ABCC4: variants seen among roughly 807,000 people sequenced by gnomAD.
ABCC4 encodes ATP binding cassette subfamily C member 4 (PEL blood group), also known as ATP-binding cassette sub-family C member 4.
ABCC4 carries 102 observed loss-of-function variants against 168.5 expected under a neutral mutation model. That is an observed-to-expected ratio of 0.61 (90% CI 0.52 to 0.71). The LOEUF (loss-of-function observed/expected upper bound fraction) is 0.71. Ranked by LOEUF, ABCC4 falls within the 30% of genes least tolerant of loss-of-function variation. ABCC4 has a pLI of 0.00. For missense variants in ABCC4, 1,402 were observed against 1,605.8 expected, an observed-to-expected ratio of 0.87 and a Z score of 2.17; for synonymous variants, 617 against 590.7, an observed-to-expected ratio of 1.04 and a Z score of -0.65.
intron 19 of ABCC4, among the ~76,000 whole-genome samples, chr13:95,119,573 A>G (rs534379359): frequency 1.6e-4 from 24 of 152,328 alleles, no homozygotes; most frequent in African/African-American, 5.8e-4. Flanking sequence ...AAATTCATAA[A>G]TGACTCTATT....
At chr13:95,129,592 T>C (rs1036496619) in intron 19 of ABCC4, among the ~76,000 whole-genome samples, 3 of 151,610 alleles carry the variant, frequency 2.0e-5, no homozygotes, top group African/African-American at 4.9e-5. Flanking sequence ...AAATGTATAA[T>C]ATAACTAAAA....
intron 20 of ABCC4, among the ~76,000 whole-genome samples, chr13:95,093,171 A>T (rs1481980485): frequency 6.6e-6 from 1 of 152,192 alleles, no homozygotes; most frequent in South Asian, 2.1e-4. Flanking sequence ...AGAAAGAAGG[A>T]ACCCTCCCTA....
chr13:95,216,568 TA>T (rs1217045690), intron 4 of ABCC4, among the ~76,000 whole-genome samples: 1 of 143,920 alleles, frequency 6.9e-6, no homozygotes, highest in African/African-American at 2.6e-5. Context: ...GCCTACCAAT[TA>T]TTTTTTAAAA....
At chr13:95,141,843 A>G (rs1287570666) in intron 19 of ABCC4, among the ~76,000 whole-genome samples, 2 of 152,194 alleles carry the variant, frequency 1.3e-5, no homozygotes, top group African/African-American at 4.8e-5. Context: ...TCAAGGGATC[A>G]TCCTGAACCA....
intron 20 of ABCC4, among the ~76,000 whole-genome samples, chr13:95,104,285 T>C (rs1314952342): frequency 6.6e-6 from 1 of 152,180 alleles, no homozygotes; most frequent in Non-Finnish European, 1.5e-5. Context: ...AGCTAATTTT[T>C]GGGTTTTTAG....
chr13:95,134,813 G>A (rs1277484056), intron 19 of ABCC4, among the ~76,000 whole-genome samples: 3 of 152,094 alleles, frequency 2.0e-5, no homozygotes, highest in Admixed American at 1.3e-4. Flanking sequence ...GTGGGAAGAG[G>A]AGTGCAAGAG....
In ABCC4 at chr13:95,161,281, T is replaced by C. The variant is rs778266348; in HGVS notation, c.2363A>G (p.Tyr788Cys). 3.4e-5 allele frequency: 55 copies of C among 1,609,136 alleles called. 1 individual carries two copies. The Admixed American group carries it at 9.5e-4, about 28-fold the overall frequency. Residue 788 changes from tyrosine to cysteine, a missense_variant, in exon 19 of 31, where the codon TAC becomes TGC. Physicochemically the swap from Tyr to Cys is radical, Grantham distance 194 (BLOSUM62 -2). Coordinates refer to ENST00000645237, the MANE Select transcript of ABCC4 (RefSeq NM_005845.5). ...FGIARSLLVF[Y>C]VLVNSSQTLH... Reference sequence around the variant, plus strand: ...AGTTTGTGAAGAGTTAACAAGGACGTAGAATACCAATAGAGATCTTGCTAT... The same window carrying C: ...AGTTTGTGAAGAGTTAACAAGGACGCAGAATACCAATAGAGATCTTGCTAT...
chr13:95,253,638 G>A (rs1336492485), intron 1 of ABCC4, among the ~76,000 whole-genome samples: 4 of 151,906 alleles, frequency 2.6e-5, no homozygotes, highest in East Asian at 3.9e-4. Context: ...CCAGCTACTC[G>A]GGAGGCTGAG....
intron 1 of ABCC4, among the ~76,000 whole-genome samples, chr13:95,289,824 C>T (rs759904869): frequency 2.6e-5 from 4 of 152,084 alleles, no homozygotes; most frequent in Admixed American, 1.3e-4. Context: ...GTGCGGGGCG[C>T]GGTGGCTCAC....
intron 29 of ABCC4, among the ~76,000 whole-genome samples, chr13:95,039,494 G>A (rs1048413661): frequency 4.6e-5 from 7 of 152,074 alleles, no homozygotes; most frequent in Non-Finnish European, 1.0e-4. Flanking sequence ...CTCCTGCTTG[G>A]TCCTCACCTT....
chr13:95,148,604 A>ATG (rs1566465087), intron 19 of ABCC4, among the ~76,000 whole-genome samples: 9 of 148,852 alleles, frequency 6.0e-5, no homozygotes, highest in African/African-American at 2.2e-4. Flanking sequence ...ACACACACAC[A>ATG]CACACACACA....
chr13:95,293,867 A>AC (rs1370211120), intron 1 of ABCC4, among the ~76,000 whole-genome samples: 3 of 147,736 alleles, frequency 2.0e-5, no homozygotes, highest in African/African-American at 7.5e-5. Flanking sequence ...TGCAGCCTCC[A>AC]CCTCCTGGGT....
intron 4 of ABCC4, among the ~76,000 whole-genome samples, chr13:95,215,516 G>A (rs1040983862): frequency 3.3e-5 from 5 of 152,154 alleles, no homozygotes; most frequent in Non-Finnish European, 7.3e-5. Context: ...TACGACAATA[G>A]CACACAAGAT....
intron 13 of ABCC4, 49 bp from the exon 14 acceptor site, chr13:95,170,677 C>G (rs1246126257): frequency 8.8e-7 from 1 of 1,137,544 alleles, no homozygotes; most frequent in South Asian, 1.3e-5. Flanking sequence ...ATGGGGTGCT[C>G]CACATTGAAA....
chr13:95,186,654 G>T, intron 11 of ABCC4, 47 bp downstream of exon 11: 1 of 1,544,538 alleles, frequency 6.5e-7, no homozygotes, highest in Non-Finnish European at 8.8e-7. Context: ...GTGAACACTA[G>T]TATTACTGGA....
chr13:95,299,020 A>T (rs991875079), intron 1 of ABCC4, among the ~76,000 whole-genome samples: 1 of 152,068 alleles, frequency 6.6e-6, no homozygotes, highest in Non-Finnish European at 1.5e-5. Flanking sequence ...TGGGTGGCCG[A>T]AGCGGGAGGA....
chr13:95,247,881 T>C (rs2040149368), intron 1 of ABCC4, 128 bp from the exon 2 acceptor site: 1 of 595,784 alleles, frequency 1.7e-6, no homozygotes, highest in Non-Finnish European at 2.9e-6. Context: ...CAGACAGATA[T>C]GAATATATAG....
chr13:95,035,944 C>T (rs2032102949), intron 29 of ABCC4, among the ~76,000 whole-genome samples: 1 of 152,142 alleles, frequency 6.6e-6, no homozygotes, highest in Admixed American at 6.5e-5. Flanking sequence ...TTTATTAAGC[C>T]TCATAAAGGG....
chr13:95,173,512 C>A (rs1027825547), intron 13 of ABCC4, among the ~76,000 whole-genome samples: 2 of 152,180 alleles, frequency 1.3e-5, no homozygotes, highest in Non-Finnish European at 2.9e-5. Flanking sequence ...AGGAAAAATA[C>A]CCTTACAGAC....
Sources: allele counts gnomAD v4.1 joint callset (sites outside exome capture counted in the v4.1 genomes callset), GRCh38; gene constraint gnomAD v4.1.1; transcripts MANE v1.5; gene names NCBI Gene and HGNC (gene_info 2026-07-23, HGNC 2026-07-21).